Variants in NAT10 observed in about 807,000 individuals in gnomAD.
The protein encoded by NAT10 is RNA cytidine acetyltransferase.
A neutral mutation model predicts 132.2 loss-of-function variants in NAT10; 109 were observed. The ratio of observed to expected loss-of-function variants is 0.82; its 90% CI spans 0.71 to 0.97. The LOEUF (loss-of-function observed/expected upper bound fraction) is 0.97. Ranked by LOEUF, NAT10 falls within the 50% of genes least tolerant of loss-of-function variation. The pLI is 0.00. For synonymous variants in NAT10, 479 were observed against 478.0 expected (o/e 1.00, Z -0.03); for missense variants, 1,184 against 1,263.4 (o/e 0.94, Z 0.95).
intron 1 of NAT10, 30 bp from the exon 2 acceptor site, chr11:34,108,181 C>T (rs1397680962): frequency 6.8e-7 from 1 of 1,469,428 alleles, no homozygotes; most frequent in South Asian, 1.1e-5. Context: ...ATCTAGTGCG[C>T]ATGGCCAGTT....
chr11:34,108,129 C>A, intron 1 of NAT10, 82 bp from the exon 2 acceptor site: 1 of 881,346 alleles, frequency 1.1e-6, no homozygotes, highest in Non-Finnish European at 1.9e-6. Context: ...CTAGCACAGT[C>A]CCAGGCCCCA....
At position 34,130,109 on chromosome 11, in the gene NAT10, G is replaced by A. The variant is rs77299844; in HGVS notation, c.1245-704G>A. ...TTACAGTCTTTGAATATAATAATGA[G>A]TACTATGAAATGATGTAATGAAAAG... On this transcript the variant is annotated intron_variant, in intron 12 of 28. Coordinates refer to ENST00000257829, the MANE Select transcript of NAT10 (RefSeq NM_024662.3). 7.9e-5 allele frequency among the ~76,000 whole-genome samples: 12 copies of A among 152,296 alleles called. No individual in the cohort carries two copies. The East Asian group carries it at 1.5e-3, about 20-fold the overall frequency.
intron 12 of NAT10, among the ~76,000 whole-genome samples, chr11:34,128,078 A>G (rs772712451): frequency 1.5e-4 from 23 of 152,248 alleles, no homozygotes; most frequent in Non-Finnish European, 2.2e-4. Flanking sequence ...ACCTGTAGCC[A>G]GGTGCAGTGG....
In NAT10 at chr11:34,146,767, G is replaced by T. The variant is rs1165604391; in HGVS notation, c.*575G>T. ...CACTGTCCCAGAAAAGCCTGATCCT[G>T]TAGTTTATGTAGAATGCCACATCTG... is the stretch of plus-strand genomic sequence containing the variant. On this transcript the variant is annotated 3_prime_UTR_variant, in exon 29 of 29. Transcript: ENST00000257829. The T allele has an allele frequency of 6.6e-6, 1 of 152,356 alleles. No individual in the cohort carries two copies. Among genetic ancestry groups the T allele is most frequent in the African/African-American group, 2.4e-5 (1 of 41,460 alleles). The allele number at this position is 152,356 out of a possible 1,614,324, so 9.4% of individuals were successfully genotyped here.
At chr11:34,144,714 TGGA>T (rs1259047650) in intron 28 of NAT10, among the ~76,000 whole-genome samples, 2 of 152,198 alleles carry the variant, frequency 1.3e-5, no homozygotes, top group Non-Finnish European at 2.9e-5. Context: ...TAACTTAGGC[TGGA>T]ACCTTCATCA....
At chr11:34,134,074 A>C (rs1407837012) in intron 16 of NAT10, among the ~76,000 whole-genome samples, 1 of 152,022 alleles carries the variant, frequency 6.6e-6, no homozygotes, top group Non-Finnish European at 1.5e-5. Context: ...TGAGGCAGGA[A>C]AATGGCATGA....
intron 10 of NAT10, 106 bp from the exon 11 acceptor site, chr11:34,124,196 C>A (rs1851944862): frequency 4.0e-6 from 3 of 750,528 alleles, no homozygotes; most frequent in African/African-American, 1.8e-5. Context: ...TGATACAGTG[C>A]TGGGTTTAAA....
intron 5 of NAT10, 76 bp from the exon 6 acceptor site, chr11:34,115,747 A>G (rs1195767692): frequency 2.8e-6 from 4 of 1,447,120 alleles, no homozygotes; most frequent in African/African-American, 1.4e-5. Context: ...CTCCTTGGAT[A>G]GAGCTTTGTA....
intron 6 of NAT10, among the ~76,000 whole-genome samples, chr11:34,116,566 C>T (rs1163806452): frequency 6.6e-6 from 1 of 151,204 alleles, no homozygotes; most frequent in South Asian, 2.1e-4. Context: ...TACAGGTGCC[C>T]GCCACCACAC....
chr11:34,135,624 C>T (rs1852195876), intron 19 of NAT10, among the ~76,000 whole-genome samples: 1 of 152,188 alleles, frequency 6.6e-6, no homozygotes, highest in East Asian at 1.9e-4. Context: ...CTCTTTCATC[C>T]TACACCAGAC....
chr11:34,122,524 C>T lies in NAT10; in HGVS notation c.846C>T (p.Leu282=), dbSNP rs762927840. The change falls in exon 9 of 29, where the codon CTC becomes CTT. Residue 282 remains leucine, a synonymous_variant. Coordinates refer to ENST00000257829, the MANE Select transcript of NAT10 (RefSeq NM_024662.3). The stretch of plus-strand genomic sequence containing the variant: ...AGACCCTGAGGAGTACTGTTGCACT[C>T]ACAGCTGCTCGAGGACGGGGAAAAT... ...SEKTLRSTVA[L]TAARGRGKSA... is the part of the protein sequence containing the mutation. The T allele has an allele frequency of 2.5e-6, 4 of 1,614,090 alleles. No homozygotes were observed. In the Admixed American group the frequency reaches 5.0e-5, roughly 20 times the overall value.
Position 34,130,919 on chromosome 11 carries a change from A to G in NAT10, c.1351A>G (p.Thr451Ala). ...STTAENKTTT[T>A]ARLASARTLY... ...CACTGCTGAGAATAAGACCACGACG[A>G]CAGCCAGATTGGCATCAGGTACCCC... Residue 451 changes from threonine to alanine, a missense_variant, in exon 13 of 29, where the codon ACA (threonine) becomes GCA (alanine). Coordinates refer to ENST00000257829, the MANE Select transcript of NAT10 (RefSeq NM_024662.3). The G allele has an allele frequency of 6.2e-7, 1 of 1,614,120 alleles. No individual in the cohort carries two copies. The highest frequency in any genetic ancestry group is 8.5e-7 in the Non-Finnish European group (1 of 1,179,976).
intron 19 of NAT10, among the ~76,000 whole-genome samples, 187 bp from the exon 20 acceptor site, chr11:34,136,455 T>A (rs1324092366): frequency 6.6e-6 from 1 of 152,230 alleles, no homozygotes; most frequent in Non-Finnish European, 1.5e-5. Flanking sequence ...ATTCTATGCA[T>A]GTTGAGGTGT....
intron 14 of NAT10, 38 bp from the exon 15 acceptor site, chr11:34,132,087 C>T (rs778580478): frequency 6.8e-7 from 1 of 1,473,866 alleles, no homozygotes; most frequent in East Asian, 2.3e-5. Context: ...CTGTCTTCGG[C>T]TATTTGTTTT....
chr11:34,122,859 T>G (rs891670148), intron 9 of NAT10, among the ~76,000 whole-genome samples: 1 of 152,208 alleles, frequency 6.6e-6, no homozygotes, highest in African/African-American at 2.4e-5. Flanking sequence ...TGAACAAACA[T>G]GCAGAGGCAA....
rs1851581518 is a variant in NAT10 at position 34,105,707 on chromosome 11, G to C, written c.-101G>C. 1 of 152,360 alleles carries C rather than the reference G, an allele frequency of 6.6e-6. No homozygotes were observed. The highest frequency in any genetic ancestry group is 1.5e-5 in the Non-Finnish European group (1 of 68,102). The allele number at this position is 152,360 out of a possible 1,614,324, so 9.4% of individuals were successfully genotyped here. On this transcript the variant is annotated 5_prime_UTR_variant, in exon 1 of 29. Transcript: ENST00000257829. Reference sequence around the variant, plus strand: ...ACCAGGCATACGCTAGGGGCAGTCAGCTGTGCCTTCTCTTTCGGAGTTGTT... The same window carrying C: ...ACCAGGCATACGCTAGGGGCAGTCACCTGTGCCTTCTCTTTCGGAGTTGTT...
At position 34,130,915 on chromosome 11, in the gene NAT10, G is replaced by T; in HGVS notation, c.1347G>T (p.Thr449=). 1 of 1,614,074 alleles carries T rather than the reference G, an allele frequency of 6.2e-7. No individual in the cohort carries two copies. Among genetic ancestry groups the T allele is most frequent in the South Asian group, 1.1e-5 (1 of 91,036 alleles). ...GCACCACTGCTGAGAATAAGACCAC[G>T]ACGACAGCCAGATTGGCATCAGGTA... ...QVSTTAENKT[T]TTARLASART... The change falls in exon 13 of 29, where the codon ACG becomes ACT. Residue 449 remains threonine, a synonymous_variant. Transcript: ENST00000257829.
rs771558915 is a variant in NAT10 at position 34,116,424 on chromosome 11, T to C, written c.557+540T>C. 4.8e-4 allele frequency among the ~76,000 whole-genome samples: 73 copies of C among 152,216 alleles called. 1 individual carries two copies. The highest frequency in any genetic ancestry group is 1.0e-3 in the South Asian group (5 of 4,826). On this transcript the variant is annotated intron_variant, in intron 6 of 28. Coordinates refer to ENST00000257829, the MANE Select transcript of NAT10 (RefSeq NM_024662.3). ...TGTATGTATTTATTTTTATTTTATT[T>C]ATTTATTTTTTTGAGATGGAGTCTT... is the stretch of plus-strand genomic sequence containing the variant.
rs1014174006 is a variant in NAT10, at chr11:34,135,918, C to T, written c.2028+627C>T. On this transcript the variant is annotated intron_variant, in intron 19 of 28. Transcript: ENST00000257829. ...TTGAGGCTGCAGTGAGCTGTGATCT[C>T]GCCACTGGACTCTGGCCTGGGTGAC... 7.9e-5 allele frequency among the ~76,000 whole-genome samples: 12 copies of T among 151,624 alleles called. No individual in the cohort carries two copies. In the South Asian group the frequency reaches 1.7e-3, roughly 21 times the overall value.
Sources: allele counts gnomAD v4.1 joint callset (sites outside exome capture counted in the v4.1 genomes callset), GRCh38; gene constraint gnomAD v4.1.1; transcripts MANE v1.5; gene names NCBI Gene and HGNC (gene_info 2026-07-23, HGNC 2026-07-21).